Variants in CAMTA1 observed in about 807,000 individuals in gnomAD.
CAMTA1 encodes calmodulin binding transcription activator 1, also known as calmodulin-binding transcription activator 1.
In CAMTA1, 27 loss-of-function variants were observed where a neutral mutation model predicts 170.9. The ratio of observed to expected loss-of-function variants is 0.16; its 90% CI spans 0.12 to 0.22. CAMTA1 has a LOEUF of 0.22. Ranked by LOEUF, CAMTA1 falls within the 10% of genes least tolerant of loss-of-function variation. The probability of loss-of-function intolerance (pLI) is 1.00; values close to 1 mark genes in which losing one functional copy is unlikely to be tolerated. For synonymous variants in CAMTA1, 833 were observed against 891.5 expected (o/e 0.93, Z 1.17); for missense variants, 1,619 against 2,217.2 (o/e 0.73, Z 5.42).
intron 5 of CAMTA1, among the ~76,000 whole-genome samples, chr1:7,254,665 A>T (rs183017393): frequency 1.0e-3 from 154 of 150,866 alleles, no homozygotes; most frequent in African/African-American, 3.3e-3. Flanking sequence ...GCCACATATA[A>T]AAAAAAAAGA....
chr1:7,349,477 A>G (rs900117171), intron 5 of CAMTA1, among the ~76,000 whole-genome samples: 5 of 152,172 alleles, frequency 3.3e-5, no homozygotes, highest in Admixed American at 1.3e-4. Context: ...GGCTGATCCC[A>G]TGCCATGTGT....
chr1:7,161,944 G>A (rs1342028841), intron 4 of CAMTA1, among the ~76,000 whole-genome samples: 1 of 152,156 alleles, frequency 6.6e-6, no homozygotes, highest in African/African-American at 2.4e-5. Flanking sequence ...CAAGCTTACT[G>A]TGTGTGTCTC....
chr1:7,626,494 C>A (rs2095634570), intron 6 of CAMTA1, among the ~76,000 whole-genome samples: 1 of 152,206 alleles, frequency 6.6e-6, no homozygotes, highest in Non-Finnish European at 1.5e-5. Context: ...TACTCATAGT[C>A]AAGGTTGTGA....
At chr1:7,391,474 G>GGCGC (rs1315892066) in intron 5 of CAMTA1, among the ~76,000 whole-genome samples, 3 of 152,186 alleles carry the variant, frequency 2.0e-5, no homozygotes, top group Non-Finnish European at 4.4e-5. Context: ...ATGGCTAAGG[G>GGCGC]GCGCTTGGTG....
chr1:6,915,455 G>A (rs1329300120), intron 3 of CAMTA1, among the ~76,000 whole-genome samples: 1 of 152,192 alleles, frequency 6.6e-6, no homozygotes, highest in Admixed American at 6.5e-5. Flanking sequence ...GCTTCCTGAT[G>A]TGGGGGCATT....
intron 11 of CAMTA1, among the ~76,000 whole-genome samples, chr1:7,683,680 G>A (rs181690281): frequency 1.7e-4 from 26 of 152,344 alleles, no homozygotes; most frequent in Non-Finnish European, 2.1e-4. Flanking sequence ...TCTTGCACTC[G>A]GGACCTGAGG....
At chr1:7,260,767 G>A (rs1668046319) in intron 5 of CAMTA1, among the ~76,000 whole-genome samples, 1 of 152,218 alleles carries the variant, frequency 6.6e-6, no homozygotes, top group South Asian at 2.1e-4. Context: ...GATGCTATTT[G>A]TCCATGTTTA....
intron 22 of CAMTA1, among the ~76,000 whole-genome samples, chr1:7,766,183 G>A (rs2097022985): frequency 6.6e-6 from 1 of 152,132 alleles, no homozygotes. Context: ...TGTCACACTT[G>A]ATTTAATACA....
intron 3 of CAMTA1, among the ~76,000 whole-genome samples, chr1:7,048,875 C>T (rs190299624): frequency 2.1e-3 from 318 of 152,320 alleles, no homozygotes; most frequent in African/African-American, 7.4e-3. Flanking sequence ...CATCTGAGAA[C>T]GTTCACAGGA....
intron 3 of CAMTA1, among the ~76,000 whole-genome samples, chr1:6,919,801 C>T (rs1375060814): frequency 1.3e-5 from 2 of 152,100 alleles, no homozygotes; most frequent in East Asian, 1.9e-4. Flanking sequence ...AGGGAAACTC[C>T]CCCTTATAAT....
rs568333388 is a variant in CAMTA1, at chr1:6,969,833, G to A, written c.235-121471G>A. Among the ~76,000 whole-genome samples, 7 of 152,268 alleles carry A rather than the reference G, an allele frequency of 4.6e-5. No homozygotes were observed. In the South Asian group the frequency reaches 1.5e-3, roughly 32 times the overall value. On this transcript the variant is annotated intron_variant, in intron 3 of 22. Transcript: ENST00000303635. ...TTATTTATTATTATTACAGGAATTT[G>A]CAAAGAGAGTTCAGGGGGCCTCATG...
intron 3 of CAMTA1, among the ~76,000 whole-genome samples, chr1:6,836,725 G>C (rs1425718612): frequency 3.3e-5 from 5 of 152,152 alleles, no homozygotes; most frequent in Non-Finnish European, 7.3e-5. Flanking sequence ...CTCCAAAGGA[G>C]TTCATGGGGG....
chr1:6,947,547 AT>A (rs34801355), intron 3 of CAMTA1, among the ~76,000 whole-genome samples: 136 of 143,534 alleles, frequency 9.5e-4, no homozygotes, highest in Admixed American at 1.3e-3. Flanking sequence ...TGCCTGACTA[AT>A]TTTTTTTTTT....
At chr1:7,186,778 G>C (rs1018671737) in intron 4 of CAMTA1, among the ~76,000 whole-genome samples, 1 of 152,144 alleles carries the variant, frequency 6.6e-6, no homozygotes. Context: ...CAATAAGCCA[G>C]GTCCACGGAG....
At chr1:7,260,741 C>T (rs543299720) in intron 5 of CAMTA1, among the ~76,000 whole-genome samples, 38 of 152,278 alleles carry the variant, frequency 2.5e-4, no homozygotes, top group Non-Finnish European at 4.7e-4. Flanking sequence ...AGAATAGTGA[C>T]CGATGGGAGG....
chr1:7,197,457 A>G (rs1655731365), intron 4 of CAMTA1, among the ~76,000 whole-genome samples: 2 of 151,948 alleles, frequency 1.3e-5, no homozygotes, highest in African/African-American at 4.8e-5. Context: ...TCTGTTAAAC[A>G]TGGACACTTC....
chr1:6,931,395 T>G (rs1684389291), intron 3 of CAMTA1, among the ~76,000 whole-genome samples: 1 of 152,150 alleles, frequency 6.6e-6, no homozygotes, highest in South Asian at 2.1e-4. Flanking sequence ...CTGGCGTGTG[T>G]CTCTACAGGT....
At chr1:7,160,253 T>C (rs1250065213) in intron 4 of CAMTA1, among the ~76,000 whole-genome samples, 1 of 152,012 alleles carries the variant, frequency 6.6e-6, no homozygotes, top group Non-Finnish European at 1.5e-5. Context: ...AAATAAAAGC[T>C]GTTATTATTA....
At chr1:7,168,125 T>G (rs766262408) in intron 4 of CAMTA1, among the ~76,000 whole-genome samples, 3 of 152,354 alleles carry the variant, frequency 2.0e-5, no homozygotes, top group Middle Eastern at 3.4e-3. Flanking sequence ...TGCAATTATG[T>G]GTTATTTTAA....
Sources: allele counts gnomAD v4.1 joint callset (sites outside exome capture counted in the v4.1 genomes callset), GRCh38; gene constraint gnomAD v4.1.1; transcripts MANE v1.5; gene names NCBI Gene and HGNC (gene_info 2026-07-23, HGNC 2026-07-21).